Variants in RSF1 observed in about 807,000 individuals in gnomAD.
RSF1 encodes remodeling and spacing factor 1.
A neutral mutation model predicts 145.2 loss-of-function variants in RSF1; 13 were observed. That is an observed-to-expected ratio of 0.09 (90% confidence interval 0.06 to 0.14). RSF1 has a LOEUF of 0.14. Among genes scored for constraint, RSF1 ranks in the 10% least tolerant of loss-of-function variants. The pLI is 1.00. For missense variants in RSF1, 1,517 were observed against 1,718.2 expected (o/e 0.88, Z 2.07); for synonymous variants, 577 against 592.6 (o/e 0.97, Z 0.38).
intron 1 of RSF1, among the ~76,000 whole-genome samples, chr11:77,816,290 CAT>C (rs936341307): frequency 1.1e-4 from 16 of 152,342 alleles, no homozygotes; most frequent in African/African-American, 3.6e-4. Flanking sequence ...TAAATCAACA[CAT>C]GTGGCCCCAG....
At chr11:77,768,461 A>G (rs1948249603) in intron 1 of RSF1, among the ~76,000 whole-genome samples, 1 of 152,104 alleles carries the variant, frequency 6.6e-6, no homozygotes, top group Non-Finnish European at 1.5e-5. Context: ...GCGCCCGGCC[A>G]ATCACTATTT....
At chr11:77,802,538 TTTAA>T (rs1565185449) in intron 1 of RSF1, among the ~76,000 whole-genome samples, 3 of 152,232 alleles carry the variant, frequency 2.0e-5, no homozygotes, top group Admixed American at 6.5e-5. Context: ...ACTGAAACCA[TTTAA>T]TTAATTAATT....
chr11:77,837,325 C>G, the RSF1 span, among the ~76,000 whole-genome samples: 6 of 152,074 alleles, frequency 3.9e-5, 1 homozygote, highest in African/African-American at 1.4e-4. Flanking sequence ...TTAGTAGAGA[C>G]AGGGTTTCAC....
intron 1 of RSF1, among the ~76,000 whole-genome samples, chr11:77,812,231 G>T (rs1565188459): frequency 1.3e-5 from 2 of 152,054 alleles, no homozygotes; most frequent in Non-Finnish European, 2.9e-5. Context: ...CTTTTAAAAA[G>T]CCTCTTTAGA....
chr11:77,694,589 TAC>T (rs1960237539), intron 7 of RSF1, among the ~76,000 whole-genome samples: 1 of 152,218 alleles, frequency 6.6e-6, no homozygotes, highest in Admixed American at 6.5e-5. Context: ...TTCAAGATGG[TAC>T]AAAGTTCTCT....
At chr11:77,812,467 T>C (rs1948740715) in intron 1 of RSF1, among the ~76,000 whole-genome samples, 1 of 152,328 alleles carries the variant, frequency 6.6e-6, no homozygotes, top group South Asian at 2.1e-4. Flanking sequence ...GAGGAACTCT[T>C]GCTTACATGA....
At chr11:77,769,984 TC>T in intron 1 of RSF1, among the ~76,000 whole-genome samples, 1 of 152,314 alleles carries the variant, frequency 6.6e-6, no homozygotes, top group African/African-American at 2.4e-5. Context: ...TTAGAAACTC[TC>T]TTGGGGGAGC....
At chr11:77,694,106 A>T (rs1233004616) in intron 7 of RSF1, among the ~76,000 whole-genome samples, 1 of 151,952 alleles carries the variant, frequency 6.6e-6, no homozygotes, top group African/African-American at 2.4e-5. Flanking sequence ...AAAAAAACCT[A>T]AAAAAAAGTT....
intron 9 of RSF1, among the ~76,000 whole-genome samples, chr11:77,690,161 CAAAAAAAAAAA>C (rs112481534): frequency 7.9e-5 from 7 of 88,598 alleles, no homozygotes; most frequent in African/African-American, 2.6e-4. Flanking sequence ...GACTCCATCT[CAAAAAAAAAAA>C]AAAAAAAACA....
chr11:77,747,044 G>T lies in RSF1; in HGVS notation c.364C>A (p.Leu122Ile). Residue 122 changes from leucine (L) to isoleucine (I), a missense_variant, in exon 3 of 16, where the codon CTC becomes ATC. Physicochemically the swap from Leu to Ile is conservative, Grantham distance 5. Coordinates refer to ENST00000308488, the MANE Select transcript of RSF1 (RefSeq NM_016578.4). ...AATAATAGATTTATTACCTTTAAGAGTGCTAGTTTGCATTCAACACTCATT... is the reference window on the plus strand; with the variant it reads ...AATAATAGATTTATTACCTTTAAGATTGCTAGTTTGCATTCAACACTCATT... ...LEMSVECKLALLKYLCECQFD... is the reference protein window; with the variant it reads ...LEMSVECKLAILKYLCECQFD... 6.3e-7 allele frequency: 1 copy of T among 1,586,228 alleles called. No individual in the cohort carries two copies. The highest frequency in any genetic ancestry group is 8.7e-7 in the Non-Finnish European group (1 of 1,155,168).
At chr11:77,830,987 C>CAAAAAAAAAAAAA in the RSF1 span, among the ~76,000 whole-genome samples, 7 of 100,504 alleles carry the variant, frequency 7.0e-5, no homozygotes, top group Admixed American at 1.1e-4. Flanking sequence ...CAAAATATAC[C>CAAAAAAAAAAAAA]AAAAAAAAAA....
intron 4 of RSF1, among the ~76,000 whole-genome samples, chr11:77,728,622 C>T (rs367953954): frequency 8.8e-5 from 13 of 148,058 alleles, no homozygotes; most frequent in South Asian, 2.2e-4. Context: ...AGAAGGGAGA[C>T]GGGAGAAGGG....
chr11:77,824,131 T>G (rs1445900202), upstream of RSF1, among the ~76,000 whole-genome samples: 1 of 152,218 alleles, frequency 6.6e-6, no homozygotes, highest in African/African-American at 2.4e-5. Flanking sequence ...TTCACTAAAG[T>G]CTGTTCTTGA....
At chr11:77,862,977 T>G in the RSF1 span, among the ~76,000 whole-genome samples, 1 of 152,164 alleles carries the variant, frequency 6.6e-6, no homozygotes, top group East Asian at 1.9e-4. Flanking sequence ...CCTTCATGGT[T>G]GCCAAATGTT....
intron 7 of RSF1, among the ~76,000 whole-genome samples, chr11:77,696,393 G>C (rs1325261667): frequency 6.6e-6 from 1 of 152,074 alleles, no homozygotes; most frequent in African/African-American, 2.4e-5. Context: ...ATTAAGACAA[G>C]GACCATGCCT....
intron 4 of RSF1, among the ~76,000 whole-genome samples, chr11:77,730,796 C>T (rs750247961): frequency 2.2e-4 from 33 of 152,134 alleles, no homozygotes; most frequent in Non-Finnish European, 3.7e-4. Flanking sequence ...CTTTTCCTGC[C>T]GCCATTGATG....
In RSF1 at chr11:77,667,339, G is replaced by T. The variant is rs375656054; in HGVS notation, c.3904C>A (p.Arg1302=). Residue 1302 remains arginine, a synonymous_variant, in exon 16 of 16, where the codon CGG becomes AGG. Transcript: ENST00000308488. ...CTCTCCTCCTCATCCGTCTCAATCC[G>T]GTGTAGCCGTTTGCGGGATGGTTTG... ...EGKPSRKRLH[R]IETDEEESCD... The T allele has an allele frequency of 6.2e-7, 1 of 1,613,812 alleles. No homozygotes were observed. The highest frequency in any genetic ancestry group is 8.5e-7 in the Non-Finnish European group (1 of 1,179,914).
intron 5 of RSF1, among the ~76,000 whole-genome samples, chr11:77,725,200 C>T (rs1386756649): frequency 6.6e-6 from 1 of 152,036 alleles, no homozygotes; most frequent in African/African-American, 2.4e-5. Flanking sequence ...CTTAATGCCA[C>T]AGAACTGTAT....
chr11:77,741,717 C>G (rs976797056), intron 3 of RSF1, among the ~76,000 whole-genome samples: 1 of 152,100 alleles, frequency 6.6e-6, no homozygotes, highest in Non-Finnish European at 1.5e-5. Context: ...CATTTAAAAT[C>G]TAGCCTCTTA....
Sources: allele counts gnomAD v4.1 joint callset (sites outside exome capture counted in the v4.1 genomes callset), GRCh38; gene constraint gnomAD v4.1.1; transcripts MANE v1.5; gene names NCBI Gene and HGNC (gene_info 2026-07-23, HGNC 2026-07-21).